SLC25A48: variants seen among roughly 807,000 people sequenced by gnomAD.
SLC25A48 encodes CTC-321K16.1.
In SLC25A48, 29 loss-of-function variants were observed where a neutral mutation model predicts 32.2. That is an observed-to-expected ratio of 0.90 (90% CI 0.67 to 1.23). SLC25A48 has a LOEUF of 1.23. Among genes scored for constraint, SLC25A48 ranks in the 50% most tolerant of loss-of-function variants. The pLI is 0.00. For missense variants in SLC25A48, 399 were observed against 422.7 expected (o/e 0.94, Z 0.49); for synonymous variants, 164 against 172.3 (o/e 0.95, Z 0.38).
chr5:135,701,184 T>A (rs1754387801), intron 3 of SLC25A48, among the ~76,000 whole-genome samples: 1 of 152,136 alleles, frequency 6.6e-6, no homozygotes, highest in Admixed American at 6.5e-5. Flanking sequence ...CCAGGACTGA[T>A]GCTCAGCCTG....
intron 4 of SLC25A48, among the ~76,000 whole-genome samples, chr5:135,815,329 T>A (rs1729227956): frequency 6.6e-6 from 1 of 152,226 alleles, no homozygotes; most frequent in African/African-American, 2.4e-5. Flanking sequence ...ACAGGGTTTG[T>A]GCTCCTATGA....
chr5:135,851,629 T>A (rs949728698), intron 3 of SLC25A48, among the ~76,000 whole-genome samples: 1 of 152,208 alleles, frequency 6.6e-6, no homozygotes, highest in African/African-American at 2.4e-5. Context: ...CAGGTGTGTG[T>A]GAGGCATCCT....
Position 135,877,769 on chromosome 5 carries a change from G to A in SLC25A48, c.814-2199G>A, listed in dbSNP as rs528844907. On this transcript the variant is annotated intron_variant, in intron 6 of 7. Coordinates refer to ENST00000681962, the MANE Select transcript of SLC25A48 (RefSeq NM_001349336.2). ...CTTGGAGAACAGTGTGAGGAGTGCT[G>A]TGATGGGGAGATACCAAGTGCACAG... 2.0e-5 allele frequency among the ~76,000 whole-genome samples: 3 copies of A among 152,252 alleles called. No individual in the cohort carries two copies. In the South Asian group the frequency reaches 6.2e-4, roughly 32 times the overall value.
At chr5:135,861,792 C>T (rs556139300) in intron 4 of SLC25A48, among the ~76,000 whole-genome samples, 28 of 152,184 alleles carry the variant, frequency 1.8e-4, no homozygotes, top group Non-Finnish European at 4.4e-5. Flanking sequence ...ATTCTTGGTA[C>T]ATATTGTGAA....
chr5:135,739,024 G>A (rs916816570), intron 3 of SLC25A48, among the ~76,000 whole-genome samples: 2 of 152,176 alleles, frequency 1.3e-5, no homozygotes, highest in African/African-American at 4.8e-5. Context: ...AGAGGTTGCA[G>A]TGAGCCAAGA....
intron 3 of SLC25A48, among the ~76,000 whole-genome samples, chr5:135,792,462 T>G (rs965911858): frequency 7.2e-5 from 11 of 151,744 alleles, no homozygotes; most frequent in African/African-American, 2.7e-4. Context: ...CCCGGTTATA[T>G]TATTTGTAAT....
rs1259712066 is a variant in SLC25A48 at position 135,776,163 on chromosome 5, C to T, written c.-520-36360C>T. ...CTACCAATATCGTAGGGATTGTACACCTCACTTATAATATTGATTGTAATA... is the reference window on the plus strand; with the variant it reads ...CTACCAATATCGTAGGGATTGTACATCTCACTTATAATATTGATTGTAATA... On this transcript the variant is annotated intron_variant, in intron 3 of 10. Coordinates refer to the SLC25A48 transcript ENST00000646290. Among the ~76,000 whole-genome samples, 6 of 151,464 alleles carry T rather than the reference C, an allele frequency of 4.0e-5. No homozygotes were observed. In the South Asian group the frequency reaches 6.3e-4, roughly 16 times the overall value.
intron 1 of SLC25A48, among the ~76,000 whole-genome samples, chr5:135,594,968 G>A (rs1436688164): frequency 1.3e-5 from 2 of 152,152 alleles, no homozygotes; most frequent in East Asian, 3.9e-4. Flanking sequence ...CAGTTAAGAT[G>A]GAATCAGAAC....
intron 3 of SLC25A48, among the ~76,000 whole-genome samples, chr5:135,733,188 T>C (rs1238433894): frequency 3.3e-5 from 5 of 152,176 alleles, no homozygotes; most frequent in Non-Finnish European, 5.9e-5. Flanking sequence ...GGCAGAGCAG[T>C]AGCCTCAATG....
intron 7 of SLC25A48, among the ~76,000 whole-genome samples, chr5:135,886,641 T>TAAA (rs397935705): frequency 0.18 from 3,048 of 17,392 alleles, 460 homozygotes; most frequent in South Asian, 0.23. Context: ...ATATATAAAA[T>TAAA]ATATATATGT....
intron 3 of SLC25A48, among the ~76,000 whole-genome samples, chr5:135,668,828 G>A (rs1220244482): frequency 6.6e-6 from 1 of 152,148 alleles, no homozygotes; most frequent in East Asian, 1.9e-4. Context: ...AATAGATAAT[G>A]CAAAGATTAA....
At chr5:135,771,617 C>G (rs1162362210) in intron 3 of SLC25A48, among the ~76,000 whole-genome samples, 2 of 151,460 alleles carry the variant, frequency 1.3e-5, no homozygotes, top group African/African-American at 4.9e-5. Flanking sequence ...CTCTTTGTAT[C>G]ACAGGGGGTG....
intron 3 of SLC25A48, among the ~76,000 whole-genome samples, chr5:135,769,747 C>T (rs574886275): frequency 1.3e-5 from 2 of 150,536 alleles, no homozygotes; most frequent in South Asian, 2.1e-4. Context: ...TATCGCAGGA[C>T]GTGTACACCC....
chr5:135,620,555 C>G (rs756929334), intron 1 of SLC25A48, among the ~76,000 whole-genome samples: 26 of 152,104 alleles, frequency 1.7e-4, no homozygotes, highest in Non-Finnish European at 3.8e-4. Context: ...TACTTCAGCC[C>G]CGCAGCAGAC....
In SLC25A48 at chr5:135,688,291, A is replaced by C. The variant is rs565598604; in HGVS notation, c.-521+53335A>C. Among the ~76,000 whole-genome samples, 34 of 151,966 alleles carry C rather than the reference A, an allele frequency of 2.2e-4. No individual in the cohort carries two copies. In the South Asian group the frequency reaches 6.8e-3, roughly 31 times the overall value. On this transcript the variant is annotated intron_variant, in intron 3 of 10. Coordinates refer to the SLC25A48 transcript ENST00000646290. ...CATTCATCCACCAATGGATATTTGGATTGCTTCCATGTTTCTCTCAGGCTT... is the reference window on the plus strand; with the variant it reads ...CATTCATCCACCAATGGATATTTGGCTTGCTTCCATGTTTCTCTCAGGCTT...
At chr5:135,675,366 T>C (rs2126945506) in intron 3 of SLC25A48, among the ~76,000 whole-genome samples, 1 of 152,124 alleles carries the variant, frequency 6.6e-6, no homozygotes, top group Admixed American at 6.5e-5. Context: ...TATCTGTTTC[T>C]GTTTTTGTTG....
chr5:135,727,224 A>G (rs541309408), intron 3 of SLC25A48, among the ~76,000 whole-genome samples: 1 of 150,892 alleles, frequency 6.6e-6, no homozygotes, highest in African/African-American at 2.4e-5. Context: ...AGTAAAAATA[A>G]TATAGATATA....
At chr5:135,669,611 C>G (rs1753608121) in intron 3 of SLC25A48, among the ~76,000 whole-genome samples, 1 of 152,172 alleles carries the variant, frequency 6.6e-6, no homozygotes, top group Admixed American at 6.5e-5. Context: ...TGCCCACCAT[C>G]TGTCATTAGT....
intron 4 of SLC25A48, among the ~76,000 whole-genome samples, chr5:135,866,993 G>A (rs1323087684): frequency 6.6e-6 from 1 of 151,986 alleles, no homozygotes; most frequent in Non-Finnish European, 1.5e-5. Flanking sequence ...CAGTTTTTGA[G>A]GTACGTAATC....
Sources: allele counts gnomAD v4.1 joint callset (sites outside exome capture counted in the v4.1 genomes callset), GRCh38; gene constraint gnomAD v4.1.1; transcripts MANE v1.5; gene names NCBI Gene and HGNC (gene_info 2026-07-23, HGNC 2026-07-21).